KCNJ16: variants seen among roughly 807,000 people sequenced by gnomAD.
KCNJ16 encodes the protein inward rectifier potassium channel 16.
Under a neutral mutation model 18.5 loss-of-function variants are expected in KCNJ16, and 15 were observed. The observed-to-expected ratio is 0.81, with a 90% CI of 0.54 to 1.25. The LOEUF (loss-of-function observed/expected upper bound fraction) is 1.25, where lower values mean the gene tolerates loss of function less well. Among genes scored for constraint, KCNJ16 ranks in the 50% most tolerant of loss-of-function variants. The pLI, the probability that KCNJ16 is intolerant of heterozygous loss-of-function variation, is 0.00. For synonymous variants in KCNJ16, 174 were observed against 186.5 expected (o/e 0.93, Z 0.55); for missense variants, 523 against 525.7 (o/e 0.99, Z 0.05).
intron 2 of KCNJ16, among the ~76,000 whole-genome samples, chr17:70,103,498 C>T (rs1457747773): frequency 6.6e-6 from 1 of 151,646 alleles, no homozygotes; most frequent in East Asian, 2.0e-4. Flanking sequence ...ACTTTCTTTA[C>T]TTCGTATCAC....
intron 1 of KCNJ16, among the ~76,000 whole-genome samples, chr17:70,091,168 A>C (rs999214180): frequency 3.9e-5 from 6 of 152,138 alleles, no homozygotes; most frequent in African/African-American, 1.4e-4. Flanking sequence ...TACACCAATC[A>C]TGAGTAGGTC....
chr17:70,088,958 CT>C (rs994456035), intron 1 of KCNJ16, among the ~76,000 whole-genome samples: 1 of 152,076 alleles, frequency 6.6e-6, no homozygotes, highest in African/African-American at 2.4e-5. Context: ...TTAAAATTGA[CT>C]TTTAAAAAGT....
chr17:70,122,349 C>T (rs1567802254), intron 2 of KCNJ16, among the ~76,000 whole-genome samples: 1 of 151,532 alleles, frequency 6.6e-6, no homozygotes, highest in African/African-American at 2.4e-5. Context: ...ATTTTTTTTA[C>T]TTTTTTTAGT....
chr17:70,135,528 AATT>A lies in KCNJ16; in HGVS notation c.*2187_*2189del, dbSNP rs2074191717. On this transcript the variant is annotated 3_prime_UTR_variant, in exon 4 of 4. Coordinates refer to ENST00000392671, the MANE Select transcript of KCNJ16 (RefSeq NM_170741.4). ...GCATTTCTATGTAACATATATCTCT[AATT>A]ATCTGTGTAATTTTATAACATACTT... The A allele has an allele frequency of 6.0e-6, 1 of 166,934 alleles. No individual in the cohort carries two copies. Among genetic ancestry groups the A allele is most frequent in the Non-Finnish European group, 1.5e-5 (1 of 68,108 alleles). The allele number at this position is 166,934 out of a possible 1,614,324, so 10.3% of individuals were successfully genotyped here.
intron 1 of KCNJ16, chr17:70,097,034 C>A (rs1342144451): frequency 5.1e-6 from 2 of 391,738 alleles, no homozygotes; most frequent in South Asian, 2.7e-4. Flanking sequence ...GTGAAATGCT[C>A]ATTTTGCAGA....
chr17:70,096,641 C>G, intron 1 of KCNJ16: 1 of 280,364 alleles, frequency 3.6e-6, no homozygotes, highest in Non-Finnish European at 6.6e-6. Context: ...TCTAAATTAA[C>G]AATCTTTTGT....
intron 1 of KCNJ16, among the ~76,000 whole-genome samples, chr17:70,092,361 G>A (rs2072126921): frequency 6.6e-6 from 1 of 152,060 alleles, no homozygotes; most frequent in South Asian, 2.1e-4. Context: ...TACAACCTAA[G>A]AATAGCATTT....
chr17:70,118,429 A>G (rs2073498698), intron 2 of KCNJ16, among the ~76,000 whole-genome samples: 1 of 152,174 alleles, frequency 6.6e-6, no homozygotes, highest in Non-Finnish European at 1.5e-5. Context: ...AAAAATAAAT[A>G]AATAAACAAA....
chr17:70,092,861 T>G (rs1236752979), intron 1 of KCNJ16, among the ~76,000 whole-genome samples: 4 of 152,194 alleles, frequency 2.6e-5, no homozygotes, highest in African/African-American at 9.6e-5. Context: ...TTGTCCTTCC[T>G]CCACCATTTT....
chr17:70,133,341 G>T lies in KCNJ16; in HGVS notation c.1254G>T (p.Met418Ile). Residue 418 changes from methionine to isoleucine, a missense_variant, in exon 4 of 4, where the codon ATG becomes ATT. Met to Ile is a conservative substitution (Grantham distance 10). Transcript: ENST00000392671. The part of the protein sequence containing the change: ...TLNRISVESQ[M>I] Reference sequence around the variant, plus strand: ...ACAGAATCTCTGTAGAATCCCAAATGTAGTCCTAAATTGCAATTATGAGGG... The same window carrying T: ...ACAGAATCTCTGTAGAATCCCAAATTTAGTCCTAAATTGCAATTATGAGGG... 1 of 1,606,566 alleles carries T rather than the reference G, an allele frequency of 6.2e-7. No individual in the cohort carries two copies.
In KCNJ16 at chr17:70,120,369, CT is replaced by C. The variant is rs1220251977; in HGVS notation, c.-190-10507del. Reference sequence around the variant, plus strand: ...TGTCTGTCATTCAGTTTCAAAGCCACTTTCGCATTTTCACGTGTCTTTGTAG... The same window carrying C: ...TGTCTGTCATTCAGTTTCAAAGCCACTTCGCATTTTCACGTGTCTTTGTAG... On this transcript the variant is annotated intron_variant, in intron 2 of 3. Coordinates refer to ENST00000392671, the MANE Select transcript of KCNJ16 (RefSeq NM_170741.4). Among the ~76,000 whole-genome samples the C allele has an allele frequency of 2.0e-5, 3 of 152,320 alleles. No homozygotes were observed. In the South Asian group the frequency reaches 6.2e-4, roughly 32 times the overall value.
At chr17:70,112,569 C>T (rs536951389) in intron 2 of KCNJ16, among the ~76,000 whole-genome samples, 1 of 151,854 alleles carries the variant, frequency 6.6e-6, no homozygotes, top group African/African-American at 2.4e-5. Flanking sequence ...TTCTGCAGTA[C>T]TCCCAAACCC....
chr17:70,081,387 T>C (rs2071546172), intron 1 of KCNJ16, among the ~76,000 whole-genome samples: 1 of 152,156 alleles, frequency 6.6e-6, no homozygotes, highest in South Asian at 2.1e-4. Flanking sequence ...AGTATTGAGC[T>C]GAAGATAAGA....
At chr17:70,116,999 C>T (rs1402570073) in intron 2 of KCNJ16, among the ~76,000 whole-genome samples, 1 of 152,132 alleles carries the variant, frequency 6.6e-6, no homozygotes, top group Non-Finnish European at 1.5e-5. Flanking sequence ...GTCTCATGCA[C>T]TCACATGTTG....
intron 1 of KCNJ16, among the ~76,000 whole-genome samples, chr17:70,086,700 C>A (rs571902521): frequency 6.6e-6 from 1 of 152,038 alleles, no homozygotes; most frequent in Non-Finnish European, 1.5e-5. Flanking sequence ...TTATAAACTT[C>A]ATTTTAGTGT....
intron 1 of KCNJ16, among the ~76,000 whole-genome samples, chr17:70,084,943 T>C (rs566509027): frequency 7.2e-5 from 11 of 152,300 alleles, no homozygotes; most frequent in Admixed American, 2.6e-4. Flanking sequence ...CTTTCTTAGA[T>C]TGTGTTTGGC....
rs1488635312 is a variant in KCNJ16, at chr17:70,075,345, T to C, written c.-345T>C. 6.6e-6 allele frequency: 1 copy of C among 152,172 alleles called. No homozygotes were observed. Among genetic ancestry groups the C allele is most frequent in the Non-Finnish European group, 1.5e-5 (1 of 68,044 alleles). 9.4% of individuals were successfully genotyped at this position (152,172 alleles called of 1,614,324 possible). On this transcript the variant is annotated 5_prime_UTR_variant, in exon 1 of 4. It removes the in-frame stop codon of an upstream open reading frame in the 5' UTR. Transcript: ENST00000392671. ...AGAGCATTCTCTACCATTGCCCAGC[T>C]GAAAGCACCTAGCTCATAGATTCTC...
At position 70,135,403 on chromosome 17, in the gene KCNJ16, C is replaced by T. The variant is rs1331104999; in HGVS notation, c.*2059C>T. ...CTGCTACCGCTGATGTTTGCCTTGT[C>T]AATATCAGAATAGGGGCATCAGTGT... On this transcript the variant is annotated 3_prime_UTR_variant, in exon 4 of 4. Coordinates refer to ENST00000392671, the MANE Select transcript of KCNJ16 (RefSeq NM_170741.4). 1 of 167,036 alleles carries T rather than the reference C, an allele frequency of 6.0e-6. No homozygotes were observed. Among genetic ancestry groups the T allele is most frequent in the East Asian group, 1.9e-4 (1 of 5,202 alleles). The allele number at this position is 167,036 out of a possible 1,614,324, so 10.3% of individuals were successfully genotyped here. A position where few individuals can be genotyped will look rare whatever the true frequency, so the allele number is the denominator to read the frequency against.
At chr17:70,122,903 G>A (rs929396441) in intron 2 of KCNJ16, among the ~76,000 whole-genome samples, 4 of 152,178 alleles carry the variant, frequency 2.6e-5, no homozygotes, top group African/African-American at 9.7e-5. Flanking sequence ...AGAAAGCACT[G>A]TAATGAGAGG....
Sources: gnomAD v4.1 joint callset for allele counts (sites outside exome capture counted in the v4.1 genomes callset) on GRCh38, gnomAD v4.1.1 for gene constraint, MANE v1.5 for transcripts, NCBI Gene and HGNC (gene_info 2026-07-23, HGNC 2026-07-21) for gene names.